Variants in ATP8A2 observed in about 807,000 individuals in gnomAD.
The protein encoded by ATP8A2 is ATPase phospholipid transporting 8A2, also known as phospholipid-transporting ATPase IB.
Under a neutral mutation model 165.6 loss-of-function variants are expected in ATP8A2, and 100 were observed. That is an observed-to-expected ratio of 0.60 (90% confidence interval 0.51 to 0.71). The LOEUF (loss-of-function observed/expected upper bound fraction) is 0.71. Ranked by LOEUF, ATP8A2 falls within the 30% of genes least tolerant of loss-of-function variation. ATP8A2 has a pLI of 0.00. For synonymous variants in ATP8A2, 543 were observed against 548.8 expected (o/e 0.99, Z 0.15); for missense variants, 1,227 against 1,479.5 (o/e 0.83, Z 2.80).
At chr13:26,018,584 C>T (rs1184507511) in intron 36 of ATP8A2, among the ~76,000 whole-genome samples, 1 of 152,190 alleles carries the variant, frequency 6.6e-6, no homozygotes, top group Non-Finnish European at 1.5e-5. Flanking sequence ...TCTAATTGAG[C>T]TGTGGGACTT....
chr13:25,571,914 A>G (rs2039477818), intron 18 of ATP8A2: 2 of 549,838 alleles, frequency 3.6e-6, no homozygotes, highest in Non-Finnish European at 6.6e-6. Flanking sequence ...TGTCTTTCAT[A>G]CACTGATGTG....
In ATP8A2 at chr13:25,542,422, G is replaced by A. The variant is rs757452653; in HGVS notation, c.779+376G>A. ...TTTTGCTAACCACCTTCTAAGGAGC[G>A]TTCATTTGTTTTTAGAAAGTTGAGT... On this transcript the variant is annotated intron_variant, in intron 9 of 36. Transcript: ENST00000381655. Among the ~76,000 whole-genome samples, 120 of 150,584 alleles carry A rather than the reference G, an allele frequency of 8.0e-4. 2 individuals carry two copies. The highest frequency in any genetic ancestry group is 8.1e-4 in the Non-Finnish European group (55 of 67,762).
chr13:25,612,604 A>T (rs888322837), intron 24 of ATP8A2, among the ~76,000 whole-genome samples: 3 of 152,160 alleles, frequency 2.0e-5, no homozygotes, highest in African/African-American at 7.2e-5. Context: ...TAGAATTTAT[A>T]TCCTGCAGTT....
At chr13:25,554,525 GTGTAT>G (rs2038919672) in intron 12 of ATP8A2, among the ~76,000 whole-genome samples, 7 of 103,296 alleles carry the variant, frequency 6.8e-5, no homozygotes, top group Non-Finnish European at 1.4e-4. Flanking sequence ...GTGTGTGTGT[GTGTAT>G]GTGTGTGTGT....
chr13:26,018,961 A>G (rs11617111), intron 36 of ATP8A2, among the ~76,000 whole-genome samples: 1 of 152,222 alleles, frequency 6.6e-6, no homozygotes, highest in Non-Finnish European at 1.5e-5. Flanking sequence ...TAGTATATGA[A>G]CTGATTGTGT....
intron 25 of ATP8A2, among the ~76,000 whole-genome samples, chr13:25,739,371 A>C (rs1214353693): frequency 6.6e-6 from 1 of 152,252 alleles, no homozygotes; most frequent in Non-Finnish European, 1.5e-5. Flanking sequence ...TCATTAAACT[A>C]TGCAGAATAG....
intron 1 of ATP8A2, among the ~76,000 whole-genome samples, chr13:25,398,919 A>AT (rs1186015967): frequency 6.6e-6 from 1 of 151,700 alleles, no homozygotes; most frequent in Non-Finnish European, 1.5e-5. Context: ...TATGAAAAAA[A>AT]AATAATACAG....
chr13:25,665,259 C>G (rs962901481), intron 24 of ATP8A2, among the ~76,000 whole-genome samples: 1 of 152,094 alleles, frequency 6.6e-6, no homozygotes, highest in Non-Finnish European at 1.5e-5. Flanking sequence ...GTCTCTAAGT[C>G]AAAACAGATT....
chr13:25,420,994 C>T (rs2034283277), intron 1 of ATP8A2, among the ~76,000 whole-genome samples: 1 of 152,258 alleles, frequency 6.6e-6, no homozygotes, highest in Admixed American at 6.5e-5. Flanking sequence ...CCATGCCTTC[C>T]CTTTATTTCT....
intron 25 of ATP8A2, among the ~76,000 whole-genome samples, chr13:25,752,155 T>TAAA (rs2044165376): frequency 1.3e-5 from 2 of 151,982 alleles, no homozygotes; most frequent in Admixed American, 6.6e-5. Flanking sequence ...CTTGGCTATT[T>TAAA]ATCCTAAGAA....
At chr13:25,709,531 T>C (rs1235810571) in intron 25 of ATP8A2, among the ~76,000 whole-genome samples, 1 of 152,174 alleles carries the variant, frequency 6.6e-6, no homozygotes, top group Admixed American at 6.5e-5. Flanking sequence ...GTTTTTTTTC[T>C]GAAACAGAAT....
chr13:25,792,680 G>A (rs751820455), intron 27 of ATP8A2, among the ~76,000 whole-genome samples: 9 of 152,094 alleles, frequency 5.9e-5, no homozygotes, highest in Non-Finnish European at 1.2e-4. Flanking sequence ...GGAGGCTGAG[G>A]CAGGAGGATT....
intron 25 of ATP8A2, among the ~76,000 whole-genome samples, chr13:25,748,724 A>G (rs1035540223): frequency 1.3e-5 from 2 of 152,206 alleles, no homozygotes; most frequent in Non-Finnish European, 2.9e-5. Flanking sequence ...TTAAGCCCCA[A>G]ATGGAGAGTA....
chr13:25,545,677 C>CAGGCTGG (rs1197981059), intron 10 of ATP8A2, among the ~76,000 whole-genome samples: 3 of 152,148 alleles, frequency 2.0e-5, no homozygotes, highest in Admixed American at 2.0e-4. Context: ...CTTTGTTGCC[C>CAGGCTGG]AGGCTGGAGT....
intron 35 of ATP8A2, among the ~76,000 whole-genome samples, chr13:26,008,059 A>G (rs1956777671): frequency 6.6e-6 from 1 of 152,178 alleles, no homozygotes; most frequent in Admixed American, 6.5e-5. Flanking sequence ...TCCCAATGCT[A>G]CATGCTAATA....
intron 16 of ATP8A2, among the ~76,000 whole-genome samples, chr13:25,569,868 G>GTAC: frequency 6.6e-6 from 1 of 152,096 alleles, no homozygotes; most frequent in Admixed American, 6.5e-5. Context: ...GCCTTACACA[G>GTAC]TACTTCATGT....
chr13:25,925,144 G>C (rs539213097), intron 33 of ATP8A2, among the ~76,000 whole-genome samples: 1 of 152,072 alleles, frequency 6.6e-6, no homozygotes, highest in South Asian at 2.1e-4. Context: ...TAAGTGATGT[G>C]GTACTTTTAT....
intron 1 of ATP8A2, among the ~76,000 whole-genome samples, chr13:25,457,999 C>A (rs529392636): frequency 6.6e-6 from 1 of 152,088 alleles, no homozygotes; most frequent in African/African-American, 2.4e-5. Flanking sequence ...TTCATATGAC[C>A]AGTGATTGTA....
At chr13:25,477,891 C>T (rs563016253) in intron 2 of ATP8A2, among the ~76,000 whole-genome samples, 3 of 152,198 alleles carry the variant, frequency 2.0e-5, no homozygotes, top group South Asian at 2.1e-4. Flanking sequence ...CAGCAGAGAT[C>T]GCACCATTGC....
Sources: allele counts gnomAD v4.1 joint callset (sites outside exome capture counted in the v4.1 genomes callset), GRCh38; gene constraint gnomAD v4.1.1; transcripts MANE v1.5; gene names NCBI Gene and HGNC (gene_info 2026-07-23, HGNC 2026-07-21).